ME2: variants seen among roughly 807,000 people sequenced by gnomAD.
ME2 encodes malic enzyme 2.
In ME2, 60 loss-of-function variants were observed where a neutral mutation model predicts 73.7. That is an observed-to-expected ratio of 0.81 (90% CI 0.66 to 1.01). The LOEUF is 1.01. ME2 is among the 50% of genes least tolerant of loss of function. ME2 has a pLI of 0.00. For synonymous variants in ME2, 199 were observed against 236.9 expected, an observed-to-expected ratio of 0.84 and a Z score of 1.47; for missense variants, 594 against 705.5, an observed-to-expected ratio of 0.84 and a Z score of 1.79.
At chr18:50,905,661 A>G (rs1001142659) in intron 2 of ME2, among the ~76,000 whole-genome samples, 1 of 152,196 alleles carries the variant, frequency 6.6e-6, no homozygotes, top group Non-Finnish European at 1.5e-5. Flanking sequence ...GGGGGCTTCC[A>G]GGTTATAGGC....
intron 7 of ME2, among the ~76,000 whole-genome samples, chr18:50,919,899 C>T (rs975320243): frequency 2.0e-5 from 3 of 151,786 alleles, no homozygotes; most frequent in East Asian, 1.9e-4. Flanking sequence ...AAATATATAG[C>T]CAGACTGTTG....
intron 3 of ME2, among the ~76,000 whole-genome samples, chr18:50,912,264 T>C (rs978032257): frequency 1.3e-5 from 2 of 152,228 alleles, no homozygotes; most frequent in Non-Finnish European, 2.9e-5. Context: ...TTTATTGACA[T>C]CAATTGACAA....
chr18:50,921,585 TA>T (rs1349033940), intron 10 of ME2, among the ~76,000 whole-genome samples: 12 of 152,188 alleles, frequency 7.9e-5, no homozygotes, highest in African/African-American at 2.4e-4. Context: ...TATTATTATT[TA>T]TTTTTTTTGA....
chr18:50,924,151 A>T lies in ME2; in HGVS notation c.1110A>T (p.Pro370=). 1 of 1,613,740 alleles carries T rather than the reference A, an allele frequency of 6.2e-7. No individual in the cohort carries two copies. Among genetic ancestry groups the T allele is most frequent in the Non-Finnish European group, 8.5e-7 (1 of 1,179,800 alleles). ...AGGAACCATTTACTCACTCAGCCCCAGAGAGCATACCTGATACTTTTGAAG... is the reference window on the plus strand; with the variant it reads ...AGGAACCATTTACTCACTCAGCCCCTGAGAGCATACCTGATACTTTTGAAG... The part of the protein sequence containing the change: ...SYQEPFTHSA[P]ESIPDTFEDA... Residue 370 remains proline (P), a synonymous_variant, in exon 11 of 16, where the codon CCA becomes CCT. Coordinates refer to ENST00000321341, the MANE Select transcript of ME2 (RefSeq NM_002396.5).
intron 1 of ME2, among the ~76,000 whole-genome samples, chr18:50,887,633 T>C (rs925379797): frequency 6.6e-6 from 1 of 152,188 alleles, no homozygotes; most frequent in African/African-American, 2.4e-5. Flanking sequence ...GGCTTTGGAA[T>C]TCTACCTGAG....
chr18:50,912,133 A>T (rs751420336), intron 3 of ME2, among the ~76,000 whole-genome samples: 1 of 152,218 alleles, frequency 6.6e-6, no homozygotes, highest in Non-Finnish European at 1.5e-5. Flanking sequence ...AGCAGAAGAA[A>T]CAAGGTCAGG....
chr18:50,915,347 T>C (rs996438765), intron 4 of ME2: 1 of 151,946 alleles, frequency 6.6e-6, no homozygotes, highest in African/African-American at 2.4e-5. Flanking sequence ...ATACAAAAAC[T>C]AGCCAGGCAT....
chr18:50,947,035 G>A lies in ME2; in HGVS notation c.1606G>A (p.Ala536Thr), dbSNP rs1345699497. The A allele has an allele frequency of 6.2e-7, 1 of 1,613,062 alleles. No individual in the cohort carries two copies. Among genetic ancestry groups the A allele is most frequent in the African/African-American group, 1.3e-5 (1 of 74,986 alleles). ...TTTTCAGGTTACAGAATACCTATAT[G>A]CTAATAAAATGGCTTTCCGATACCC... ...IAIKVTEYLY[A>T]NKMAFRYPEP... Residue 536 changes from alanine to threonine, a missense_variant, in exon 16 of 16, where the codon GCT (alanine) becomes ACT (threonine). Transcript: ENST00000321341.
intron 5 of ME2, 186 bp downstream of exon 5, chr18:50,916,429 G>A (rs1917286279): frequency 4.4e-6 from 2 of 451,932 alleles, no homozygotes; most frequent in African/African-American, 2.0e-5. Flanking sequence ...CTGGTATAAA[G>A]TTTGACTCTG....
In ME2 at chr18:50,952,752, G is replaced by C. The variant is rs983139031; in HGVS notation, c.*5568G>C. On this transcript the variant is annotated 3_prime_UTR_variant, in exon 16 of 16. Coordinates refer to ENST00000321341, the MANE Select transcript of ME2 (RefSeq NM_002396.5). Reference sequence around the variant, plus strand: ...TTTTAAGTATATATTCAAGCAAATCGTTGATTCCTATACAGCCATTGGATT... The same window carrying C: ...TTTTAAGTATATATTCAAGCAAATCCTTGATTCCTATACAGCCATTGGATT... 29 of 152,132 alleles carry C rather than the reference G, an allele frequency of 1.9e-4. No homozygotes were observed. The highest frequency in any genetic ancestry group is 4.4e-5 in the Non-Finnish European group (3 of 68,016). The allele number at this position is 152,132 out of a possible 1,614,324, so 9.4% of individuals were successfully genotyped here.
chr18:50,941,988 G>A (rs1462971724), intron 15 of ME2, among the ~76,000 whole-genome samples: 3 of 151,712 alleles, frequency 2.0e-5, no homozygotes, highest in Admixed American at 6.6e-5. Context: ...TTTCCCACTT[G>A]TCATTTGTTT....
intron 13 of ME2, chr18:50,939,055 A>C (rs538295308): frequency 6.6e-6 from 1 of 152,032 alleles, no homozygotes; most frequent in African/African-American, 2.4e-5. Flanking sequence ...AAGAGCGCTA[A>C]ATATTTACTC....
At chr18:50,920,940 C>T (rs773897549) in intron 9 of ME2, 134 bp from the exon 10 acceptor site, 33 of 688,528 alleles carry the variant, frequency 4.8e-5, no homozygotes, top group Admixed American at 1.1e-4. Flanking sequence ...GAGAATATCA[C>T]GAAGAATTTT....
At chr18:50,936,788 A>T (rs1917829432) in intron 13 of ME2, among the ~76,000 whole-genome samples, 1 of 152,080 alleles carries the variant, frequency 6.6e-6, no homozygotes, top group Non-Finnish European at 1.5e-5. Flanking sequence ...TTAACTAGCC[A>T]GGTGTGGTGA....
rs201038645 is a variant in ME2 at position 50,882,695 on chromosome 18, TC to T, written c.-13+3390del. Among the ~76,000 whole-genome samples the T allele has an allele frequency of 5.3e-3, 800 of 152,236 alleles. 7 individuals are homozygous for T. Among genetic ancestry groups the T allele is most frequent in the Admixed American group, 0.01 (157 of 15,278 alleles). ...CAGGCACATTGGTTCATGTCTGTAA[TC>T]CCAGCACTTTGGGAGCCAGAGGTGG... On this transcript the variant is annotated intron_variant, in intron 1 of 15. Coordinates refer to ENST00000321341, the MANE Select transcript of ME2 (RefSeq NM_002396.5).
chr18:50,922,259 G>A (rs1407961547), intron 10 of ME2, among the ~76,000 whole-genome samples: 2 of 152,214 alleles, frequency 1.3e-5, no homozygotes, highest in African/African-American at 2.4e-5. Context: ...GACTTTACAT[G>A]TATTATCTCC....
At chr18:50,935,751 C>CAA (rs34993879) in intron 13 of ME2, 28,484 of 56,980 alleles carry the variant, frequency 0.5, 7,011 homozygotes, top group South Asian at 0.61. Context: ...GACCCTGTCT[C>CAA]AAAAAAAAAA....
intron 13 of ME2, chr18:50,934,261 G>C (rs1917766256): frequency 6.6e-6 from 1 of 152,116 alleles, no homozygotes; most frequent in African/African-American, 2.4e-5. Context: ...TATCATATCT[G>C]AGTATTAAGG....
At chr18:50,890,472 G>A (rs1162094311) in intron 1 of ME2, among the ~76,000 whole-genome samples, 1 of 152,092 alleles carries the variant, frequency 6.6e-6, no homozygotes, top group South Asian at 2.1e-4. Context: ...TTCAATCTCA[G>A]TCAGCTTTGA....
Sources: allele counts gnomAD v4.1 joint callset (sites outside exome capture counted in the v4.1 genomes callset), GRCh38; gene constraint gnomAD v4.1.1; transcripts MANE v1.5; gene names NCBI Gene and HGNC (gene_info 2026-07-23, HGNC 2026-07-21).